Variants in RAB3GAP2 observed in about 807,000 individuals in gnomAD.
The protein encoded by RAB3GAP2 is RAB3 GTPase activating non-catalytic protein subunit 2.
A neutral mutation model predicts 185.3 loss-of-function variants in RAB3GAP2; 87 were observed. The observed-to-expected ratio is 0.47, with a 90% CI of 0.39 to 0.56. The LOEUF (loss-of-function observed/expected upper bound fraction) is 0.56. RAB3GAP2 is among the 20% of genes least tolerant of loss of function. The pLI is 0.00. For missense variants in RAB3GAP2, 1,492 were observed against 1,638.2 expected (o/e 0.91, Z 1.54); for synonymous variants, 554 against 576.1 (o/e 0.96, Z 0.55).
At chr1:220,269,755 C>G (rs1297651330) in intron 1 of RAB3GAP2, among the ~76,000 whole-genome samples, 1 of 152,058 alleles carries the variant, frequency 6.6e-6, no homozygotes, top group African/African-American at 2.4e-5. Context: ...CTAAATTATG[C>G]CTTAAAAGCT....
chr1:220,213,731 T>TGG (rs1659126671), intron 3 of RAB3GAP2, 125 bp downstream of exon 3: 1 of 606,462 alleles, frequency 1.6e-6, no homozygotes, highest in Admixed American at 3.6e-5. Flanking sequence ...GGAGGAGGAG[T>TGG]TGGGGGGGGG....
At chr1:220,193,102 A>T in intron 13 of RAB3GAP2, 138 bp downstream of exon 13, 1 of 1,023,818 alleles carries the variant, frequency 9.8e-7, no homozygotes, top group Non-Finnish European at 1.5e-6. Context: ...TGCTGATCTG[A>T]GTTCATGTCA....
At chr1:220,172,610 T>C (rs376491523) in intron 22 of RAB3GAP2, 27 bp downstream of exon 22, 49 of 1,491,290 alleles carry the variant, frequency 3.3e-5, no homozygotes, top group Non-Finnish European at 4.5e-5. Context: ...CGAAACTTTG[T>C]TGACGAGAGC....
chr1:220,184,214 T>C (rs780823139), intron 18 of RAB3GAP2, 51 bp from the exon 19 acceptor site: 13 of 1,501,682 alleles, frequency 8.7e-6, no homozygotes, highest in Non-Finnish European at 1.2e-5. Context: ...AACAGACTCA[T>C]AAACAGGCTT....
intron 2 of RAB3GAP2, among the ~76,000 whole-genome samples, chr1:220,217,710 C>T (rs759226945): frequency 1.2e-4 from 18 of 152,152 alleles, no homozygotes; most frequent in Admixed American, 3.9e-4. Context: ...TATTCTTACA[C>T]CTGAAACTGT....
Position 220,196,324 on chromosome 1 carries a change from T to C in RAB3GAP2, c.886A>G (p.Asn296Asp), listed in dbSNP as rs1205321515. Residue 296 changes from asparagine (N) to aspartate (D), a missense_variant, in exon 10 of 35, where the codon AAT (asparagine) becomes GAT (aspartate). By Grantham distance (23) the Asn-to-Asp change is conservative. Transcript: ENST00000358951. Reference protein sequence around the residue: ...NIGGFNAAIKNSPPAMSQYIT... With the variant: ...NIGGFNAAIKDSPPAMSQYIT... ...TACTGAGACATGGCAGGTGGACTAT[T>C]TTTAATTGCTGCATTAAATCCACCT... is the stretch of plus-strand genomic sequence containing the variant. 6.2e-7 allele frequency: 1 copy of C among 1,610,078 alleles called. No individual in the cohort carries two copies. The highest frequency in any genetic ancestry group is 1.7e-5 in the Admixed American group (1 of 59,996).
intron 2 of RAB3GAP2, among the ~76,000 whole-genome samples, chr1:220,229,582 A>G (rs2102890106): frequency 6.6e-6 from 1 of 152,322 alleles, no homozygotes; most frequent in East Asian, 1.9e-4. Context: ...ATCAGGGAAG[A>G]ATTAGTAGAT....
chr1:220,249,447 T>C (rs1659891087), intron 1 of RAB3GAP2, among the ~76,000 whole-genome samples: 1 of 152,112 alleles, frequency 6.6e-6, no homozygotes, highest in African/African-American at 2.4e-5. Context: ...TTGAGAAAGA[T>C]AGTTTGGAAT....
At chr1:220,256,952 TCAC>T (rs924937213) in intron 1 of RAB3GAP2, among the ~76,000 whole-genome samples, 21 of 152,228 alleles carry the variant, frequency 1.4e-4, no homozygotes, top group African/African-American at 4.8e-4. Flanking sequence ...TGCATTTTTC[TCAC>T]CACCACATGA....
chr1:220,250,943 T>C (rs1028777663), intron 1 of RAB3GAP2, among the ~76,000 whole-genome samples: 1 of 152,198 alleles, frequency 6.6e-6, no homozygotes, highest in Non-Finnish European at 1.5e-5. Context: ...TTTTAATAAA[T>C]TACCAGTCTC....
chr1:220,203,413 G>A (rs1228921036), intron 8 of RAB3GAP2, among the ~76,000 whole-genome samples: 2 of 152,002 alleles, frequency 1.3e-5, no homozygotes, highest in Non-Finnish European at 1.5e-5. Flanking sequence ...TTGACAGTAC[G>A]GCCAAGAAAA....
At chr1:220,199,128 T>C (rs911402728) in intron 9 of RAB3GAP2, among the ~76,000 whole-genome samples, 4 of 151,922 alleles carry the variant, frequency 2.6e-5, no homozygotes, top group African/African-American at 7.3e-5. Flanking sequence ...GGGCCTTGTA[T>C]GTCACGGTAA....
intron 7 of RAB3GAP2, among the ~76,000 whole-genome samples, chr1:220,206,724 C>T (rs1243210646): frequency 6.6e-6 from 1 of 152,192 alleles, no homozygotes. Context: ...GCTGCAACAT[C>T]TGGCAAATAT....
chr1:220,182,958 A>T (rs556497112), intron 19 of RAB3GAP2, 27 bp from the exon 20 acceptor site: 1 of 1,550,088 alleles, frequency 6.5e-7, no homozygotes, highest in East Asian at 2.3e-5. Flanking sequence ...AAAACAAAAC[A>T]ACATTCCACA....
rs958780855 is a variant in RAB3GAP2 at position 220,158,293 on chromosome 1, G to A, written c.3262-417C>T. Reference sequence around the variant, plus strand: ...GAAAACAGCCTGGTCTGCTTTCAGAGCGTCTTTTAGAGACTGAACCCGACC... The same window carrying A: ...GAAAACAGCCTGGTCTGCTTTCAGAACGTCTTTTAGAGACTGAACCCGACC... On this transcript the variant is annotated intron_variant, in intron 29 of 34. Coordinates refer to ENST00000358951, the MANE Select transcript of RAB3GAP2 (RefSeq NM_012414.4). This position sits in a 1 kb window ranked among gnomAD's most constrained non-coding sequence, Gnocchi z 4.3. Among the ~76,000 whole-genome samples the A allele has an allele frequency of 3.3e-5, 5 of 152,150 alleles. No homozygotes were observed. Among genetic ancestry groups the A allele is most frequent in the Admixed American group, 6.5e-5 (1 of 15,274 alleles).
intron 21 of RAB3GAP2, among the ~76,000 whole-genome samples, chr1:220,176,655 T>A (rs187737607): frequency 2.0e-5 from 3 of 152,030 alleles, no homozygotes; most frequent in Non-Finnish European, 4.4e-5. Context: ...CAGCTCAGAG[T>A]TGCTTGCATA....
chr1:220,154,147 A>G, intron 31 of RAB3GAP2, 90 bp from the exon 32 acceptor site: 1 of 1,535,580 alleles, frequency 6.5e-7, no homozygotes, highest in Non-Finnish European at 8.8e-7. Context: ...ATAATAACTT[A>G]TGGTTGATTT....
intron 22 of RAB3GAP2, 79 bp from the exon 23 acceptor site, chr1:220,172,128 T>C (rs563234362): frequency 5.6e-6 from 8 of 1,425,880 alleles, no homozygotes; most frequent in South Asian, 1.2e-5. Context: ...TTAAACATAA[T>C]GTTAAAACTA....
chr1:220,178,019 C>T (rs1209034336), intron 21 of RAB3GAP2, among the ~76,000 whole-genome samples: 1 of 151,932 alleles, frequency 6.6e-6, no homozygotes, highest in African/African-American at 2.4e-5. Context: ...GGGTCAAAGA[C>T]AAAGAGAGAA....
Sources: gnomAD v4.1 joint callset for allele counts (sites outside exome capture counted in the v4.1 genomes callset) on GRCh38, gnomAD v4.1.1 for gene constraint, Gnocchi (gnomAD v3.1) non-coding constraint, MANE v1.5 for transcripts, NCBI Gene and HGNC (gene_info 2026-07-23, HGNC 2026-07-21) for gene names.